The following FAM135A variants were observed in gnomAD, a reference collection of about 807,000 sequenced individuals.
The protein encoded by FAM135A is family with sequence similarity 135 member A.
A neutral mutation model predicts 146.8 loss-of-function variants in FAM135A; 79 were observed. The observed-to-expected ratio is 0.54, with a 90% CI of 0.45 to 0.65. The LOEUF (loss-of-function observed/expected upper bound fraction) is 0.65, where lower values mean the gene tolerates loss of function less well. Among genes scored for constraint, FAM135A ranks in the 30% least tolerant of loss-of-function variants. The pLI, the probability that FAM135A is intolerant of heterozygous loss-of-function variation, is 0.00. For synonymous variants in FAM135A, 562 were observed against 603.6 expected (o/e 0.93, Z 1.01); for missense variants, 1,623 against 1,758.2 (o/e 0.92, Z 1.38).
At chr6:70,424,400 T>C (rs569556021) in intron 2 of FAM135A, among the ~76,000 whole-genome samples, 1 of 152,354 alleles carries the variant, frequency 6.6e-6, no homozygotes, top group South Asian at 2.1e-4. Context: ...TACACCAAAG[T>C]TATTTTCTGG....
intron 12 of FAM135A, among the ~76,000 whole-genome samples, chr6:70,521,678 C>T (rs1398328153): frequency 6.6e-6 from 1 of 152,198 alleles, no homozygotes; most frequent in Non-Finnish European, 1.5e-5. Flanking sequence ...AATATAATTT[C>T]TCCTCCCTGT....
chr6:70,426,210 T>C (rs892759860), intron 2 of FAM135A, among the ~76,000 whole-genome samples: 10 of 152,174 alleles, frequency 6.6e-5, no homozygotes, highest in Admixed American at 5.2e-4. Context: ...TATTTGTTAT[T>C]GTACTTTGAA....
intron 5 of FAM135A, among the ~76,000 whole-genome samples, chr6:70,474,037 GT>G (rs1422410110): frequency 6.6e-6 from 1 of 152,038 alleles, no homozygotes; most frequent in Non-Finnish European, 1.5e-5. Context: ...TCCTGCTCAG[GT>G]TCTGACACTT....
chr6:70,490,566 A>C (rs1252798861), intron 10 of FAM135A, among the ~76,000 whole-genome samples: 1 of 152,074 alleles, frequency 6.6e-6, no homozygotes, highest in Admixed American at 6.6e-5. Context: ...ATTTTTATTA[A>C]ATAGCCTACA....
chr6:70,490,832 A>G (rs1785728068), intron 10 of FAM135A, among the ~76,000 whole-genome samples: 1 of 152,042 alleles, frequency 6.6e-6, no homozygotes, highest in Non-Finnish European at 1.5e-5. Flanking sequence ...TGAAAAATAA[A>G]AAATGATATT....
intron 12 of FAM135A, among the ~76,000 whole-genome samples, chr6:70,521,204 C>T (rs1466976245): frequency 6.6e-6 from 1 of 151,962 alleles, no homozygotes; most frequent in Non-Finnish European, 1.5e-5. Context: ...AGAGTACTGT[C>T]AAGAAATGAT....
chr6:70,433,727 T>C (rs570708096), intron 4 of FAM135A, among the ~76,000 whole-genome samples: 5 of 152,276 alleles, frequency 3.3e-5, no homozygotes, highest in African/African-American at 9.6e-5. Context: ...TTAGCTTTAA[T>C]TGAATTAGAA....
chr6:70,509,079 G>C (rs1009274396), intron 12 of FAM135A, among the ~76,000 whole-genome samples: 1 of 152,098 alleles, frequency 6.6e-6, no homozygotes, highest in Non-Finnish European at 1.5e-5. Context: ...TTGATATGGT[G>C]ACTCTGCTAT....
chr6:70,422,489 A>G (rs769452951), intron 2 of FAM135A, among the ~76,000 whole-genome samples: 18 of 152,312 alleles, frequency 1.2e-4, no homozygotes, highest in Non-Finnish European at 2.6e-4. Context: ...TTATGTATAT[A>G]TATGTACATG....
At chr6:70,443,952 T>C (rs373725236) in intron 4 of FAM135A, among the ~76,000 whole-genome samples, 1 of 152,218 alleles carries the variant, frequency 6.6e-6, no homozygotes, top group Non-Finnish European at 1.5e-5. Context: ...TTTACAGATA[T>C]ACTTTTTATA....
chr6:70,524,758 T>C lies in FAM135A; in HGVS notation c.1674T>C (p.Asn558=). The change falls in exon 15 of 22, where the codon AAT becomes AAC. Residue 558 remains asparagine, a synonymous_variant. Transcript: ENST00000418814. ...TGGATCCCACAATATGTGGATATAA[T>C]TTTGACCCAAAGACCTACATGAGAC... is the stretch of plus-strand genomic sequence containing the variant. ...EGLDPTICGY[N]FDPKTYMRQT... 6.5e-7 allele frequency: 1 copy of C among 1,549,256 alleles called. No individual in the cohort carries two copies. Among genetic ancestry groups the C allele is most frequent in the Non-Finnish European group, 8.7e-7 (1 of 1,146,292 alleles).
At chr6:70,428,276 C>G in intron 3 of FAM135A, 28 bp from the exon 4 acceptor site, 1 of 1,135,576 alleles carries the variant, frequency 8.8e-7, no homozygotes. Flanking sequence ...TTACGCTTCT[C>G]ATGATTTTTT....
chr6:70,495,544 AT>A (rs1199806490), intron 11 of FAM135A, among the ~76,000 whole-genome samples: 1 of 152,220 alleles, frequency 6.6e-6, no homozygotes, highest in African/African-American at 2.4e-5. Flanking sequence ...TTAAAAAGAA[AT>A]AAAAATAAAC....
Position 70,529,889 on chromosome 6 carries a change from C to T in FAM135A, c.3775+1437C>T, listed in dbSNP as rs367725040. On this transcript the variant is annotated intron_variant, in intron 16 of 21. Coordinates refer to ENST00000418814, the MANE Select transcript of FAM135A (RefSeq NM_001162529.3). ...CATCCTGGCTAACACAGTGAAACCC[C>T]GTCTCTACTAAAAATACAAAAAAAA... is the stretch of plus-strand genomic sequence containing the variant. Among the ~76,000 whole-genome samples the T allele has an allele frequency of 1.0e-3, 153 of 152,106 alleles. 3 individuals are homozygous for T. The South Asian group carries it at 0.018, about 18-fold the overall frequency.
chr6:70,497,078 T>C (rs1424086668), intron 11 of FAM135A, among the ~76,000 whole-genome samples: 1 of 152,204 alleles, frequency 6.6e-6, no homozygotes, highest in Non-Finnish European at 1.5e-5. Flanking sequence ...TAGCATTGAA[T>C]CTATAAATTA....
At chr6:70,449,273 T>G (rs1776521847) in intron 4 of FAM135A, among the ~76,000 whole-genome samples, 1 of 152,174 alleles carries the variant, frequency 6.6e-6, no homozygotes, top group African/African-American at 2.4e-5. Flanking sequence ...TTAAATCTAT[T>G]CTTTTAGGAA....
chr6:70,475,793 A>G (rs1782523487), intron 7 of FAM135A, 60 bp downstream of exon 7: 4 of 1,316,014 alleles, frequency 3.0e-6, no homozygotes, highest in Non-Finnish European at 3.2e-6. Flanking sequence ...TGTTATTATT[A>G]GATTGCCCAT....
intron 4 of FAM135A, among the ~76,000 whole-genome samples, chr6:70,429,329 A>G (rs867843897): frequency 9.9e-5 from 15 of 152,256 alleles, no homozygotes; most frequent in Middle Eastern, 3.4e-3. Context: ...CCTGGCCAAC[A>G]TGGTGAAACC....
At chr6:70,492,266 A>G (rs1786173210) in intron 11 of FAM135A, among the ~76,000 whole-genome samples, 1 of 151,840 alleles carries the variant, frequency 6.6e-6, no homozygotes. Context: ...ATGATAAAAT[A>G]TTAACATCAG....
Sources: gnomAD v4.1 joint callset for allele counts (sites outside exome capture counted in the v4.1 genomes callset) on GRCh38, gnomAD v4.1.1 for gene constraint, MANE v1.5 for transcripts, NCBI Gene and HGNC (gene_info 2026-07-23, HGNC 2026-07-21) for gene names.